The following ADAMTS14 variants were observed in gnomAD, a reference collection of about 807,000 sequenced individuals.
The protein encoded by ADAMTS14 is A disintegrin and metalloproteinase with thrombospondin motifs 14.
ADAMTS14 carries 100 observed loss-of-function variants against 128.6 expected under a neutral mutation model. The ratio of observed to expected loss-of-function variants is 0.78; its 90% confidence interval spans 0.66 to 0.92. ADAMTS14 has a LOEUF of 0.92. Among genes scored for constraint, ADAMTS14 ranks in the 40% least tolerant of loss-of-function variants. The pLI is 0.00. For missense variants in ADAMTS14, 1,562 were observed against 1,658.6 expected, an observed-to-expected ratio of 0.94 and a Z score of 1.01; for synonymous variants, 665 against 653.8, an observed-to-expected ratio of 1.02 and a Z score of -0.26.
intron 2 of ADAMTS14, among the ~76,000 whole-genome samples, chr10:70,696,084 G>A (rs570620397): frequency 6.6e-6 from 1 of 152,324 alleles, no homozygotes; most frequent in East Asian, 1.9e-4. Flanking sequence ...GGCAGTAGCT[G>A]GGCAGGGATG....
rs563924526 is a variant in ADAMTS14, at chr10:70,753,852, G to C, written c.2782G>C (p.Val928Leu). 1.9e-6 allele frequency: 3 copies of C among 1,594,050 alleles called. No homozygotes were observed. Among genetic ancestry groups the C allele is most frequent in the Non-Finnish European group, 2.6e-6 (3 of 1,171,536 alleles). Residue 928 changes from valine (V) to leucine (L), a missense_variant, in exon 19 of 22, where the codon GTG (valine) becomes CTG (leucine). Transcript: ENST00000373207. ...CAGCCGGAGCTGTGGGAAGCTGGGG[G>C]TGCAGACACGGGGGATACAGTGCCT... ...ACSRSCGKLG[V>L]QTRGIQCLLP... is the part of the protein sequence containing the mutation.
chr10:70,731,483 G>T (rs1841635653), intron 6 of ADAMTS14, among the ~76,000 whole-genome samples: 1 of 152,160 alleles, frequency 6.6e-6, no homozygotes, highest in Non-Finnish European at 1.5e-5. Flanking sequence ...CATGCCCTTT[G>T]TCATTACCCC....
chr10:70,727,394 G>A (rs958404252), intron 4 of ADAMTS14, among the ~76,000 whole-genome samples: 4 of 152,224 alleles, frequency 2.6e-5, no homozygotes. Context: ...GAGTGGAAAA[G>A]AATTGATGGC....
intron 4 of ADAMTS14, among the ~76,000 whole-genome samples, chr10:70,723,107 C>T (rs1841320807): frequency 6.6e-6 from 1 of 152,178 alleles, no homozygotes; most frequent in African/African-American, 2.4e-5. Flanking sequence ...TGAGGAAGCA[C>T]CTTACCCCTG....
chr10:70,739,071 G>A (rs972007722), intron 11 of ADAMTS14, 81 bp downstream of exon 11: 2 of 1,490,178 alleles, frequency 1.3e-6, no homozygotes, highest in African/African-American at 2.8e-5. Context: ...GCACTGGGGA[G>A]ACAGTGCAGG....
chr10:70,727,447 C>T (rs984628599), intron 4 of ADAMTS14, among the ~76,000 whole-genome samples: 4 of 152,208 alleles, frequency 2.6e-5, no homozygotes, highest in African/African-American at 7.2e-5. Context: ...CAAGACTATG[C>T]ATGGAGCTCC....
In ADAMTS14 at chr10:70,738,847, C is replaced by T. The variant is rs147145113; in HGVS notation, c.1605C>T (p.Cys535=). The T allele has an allele frequency of 1.9e-5, 30 of 1,614,010 alleles. No individual in the cohort carries two copies. In the African/African-American group the frequency reaches 3.3e-4, roughly 18 times the overall value. Residue 535 remains cysteine, a synonymous_variant, in exon 11 of 22, where the codon TGC becomes TGT. Transcript: ENST00000373207. ...DGTECAPGKW[C]FKGHCIWKSP... ...TGCCCTCTGCTCTGCCCCAGTGGTG[C>T]TTCAAAGGTCACTGCATCTGGAAGT...
Position 70,761,451 on chromosome 10 carries a change from C to G in ADAMTS14, c.*598C>G, listed in dbSNP as rs1842611425. On this transcript the variant is annotated 3_prime_UTR_variant, in exon 22 of 22. Coordinates refer to ENST00000373207, the MANE Select transcript of ADAMTS14 (RefSeq NM_080722.4). ...CAAGAGCTCCATGCAGTTCCACCAG[C>G]TGAGGCCAGGCAGCAGAGGCCAGTT... The G allele has an allele frequency of 6.6e-6, 1 of 152,496 alleles. No individual in the cohort carries two copies. The highest frequency in any genetic ancestry group is 2.4e-5 in the African/African-American group (1 of 41,458). 9.4% of individuals were successfully genotyped at this position (152,496 alleles called of 1,614,324 possible).
rs902437744 is a variant in ADAMTS14 at position 70,696,333 on chromosome 10, C to T, written c.523-5979C>T. 3.2e-4 allele frequency among the ~76,000 whole-genome samples: 47 copies of T among 146,964 alleles called. No individual in the cohort carries two copies. The Admixed American group carries it at 3.2e-3, about 10-fold the overall frequency. On this transcript the variant is annotated intron_variant, in intron 2 of 21. Transcript: ENST00000373207. ...ACAGTGCGCAGCAGGGTGGTGGGAGCCTTGGAGTATGAGACTGGGCAGGGG... is the reference window on the plus strand; with the variant it reads ...ACAGTGCGCAGCAGGGTGGTGGGAGTCTTGGAGTATGAGACTGGGCAGGGG...
chr10:70,673,533 G>C (rs998221723), intron 1 of ADAMTS14, among the ~76,000 whole-genome samples: 1 of 152,126 alleles, frequency 6.6e-6, no homozygotes, highest in Admixed American at 6.5e-5. Flanking sequence ...TTCCAGGCAG[G>C]GTCCCTCCTT....
chr10:70,697,142 C>G (rs1840353725), intron 2 of ADAMTS14, among the ~76,000 whole-genome samples: 1 of 152,202 alleles, frequency 6.6e-6, no homozygotes, highest in Non-Finnish European at 1.5e-5. Context: ...TGAGAGGTGG[C>G]CTGCTCTGCT....
At position 70,758,065 on chromosome 10, in the gene ADAMTS14, A is replaced by T. The variant is rs551958766; in HGVS notation, c.3041A>T (p.Gln1014Leu). The T allele has an allele frequency of 6.2e-7, 1 of 1,613,342 alleles. No homozygotes were observed. Among genetic ancestry groups the T allele is most frequent in the African/African-American group, 1.3e-5 (1 of 75,064 alleles). The change falls in exon 20 of 22, where the codon CAG (glutamine) becomes CTG (leucine). Residue 1014 changes from glutamine (Q) to leucine (L), a missense_variant. Coordinates refer to ENST00000373207, the MANE Select transcript of ADAMTS14 (RefSeq NM_080722.4). ...HCEGDRPDTV[Q>L]VCSLPACGGN... ...GAGGGGGATAGGCCAGACACTGTCCAGGTCTGCAGCCTGCCCGCCTGTGGA... is the reference window on the plus strand; with the variant it reads ...GAGGGGGATAGGCCAGACACTGTCCTGGTCTGCAGCCTGCCCGCCTGTGGA...
chr10:70,686,560 T>C (rs1194037121), intron 2 of ADAMTS14, among the ~76,000 whole-genome samples: 1 of 45,548 alleles, frequency 2.2e-5, no homozygotes, highest in Non-Finnish European at 4.6e-5. Flanking sequence ...CATTTAACCC[T>C]GAGTGGACAC....
intron 4 of ADAMTS14, among the ~76,000 whole-genome samples, chr10:70,723,183 G>A (rs1483096150): frequency 1.3e-5 from 2 of 152,124 alleles, no homozygotes; most frequent in Non-Finnish European, 2.9e-5. Flanking sequence ...CTAATTGAAG[G>A]ACACAAAATA....
chr10:70,718,238 A>G (rs982923077), intron 4 of ADAMTS14, among the ~76,000 whole-genome samples: 3 of 152,150 alleles, frequency 2.0e-5, no homozygotes, highest in Admixed American at 6.5e-5. Context: ...CACGAAGCAG[A>G]CAATCCTCTT....
chr10:70,712,732 G>A (rs564633802), intron 4 of ADAMTS14, among the ~76,000 whole-genome samples: 3 of 152,278 alleles, frequency 2.0e-5, no homozygotes, highest in African/African-American at 7.2e-5. Flanking sequence ...ATTCCGATAA[G>A]GGGGAAAGAC....
intron 3 of ADAMTS14, among the ~76,000 whole-genome samples, chr10:70,705,058 T>G (rs919297198): frequency 6.6e-6 from 1 of 151,794 alleles, no homozygotes. Context: ...TACACACACA[T>G]GCTCATATAC....
intron 4 of ADAMTS14, among the ~76,000 whole-genome samples, chr10:70,710,713 A>G (rs559332839): frequency 3.3e-5 from 5 of 152,346 alleles, no homozygotes; most frequent in African/African-American, 1.2e-4. Flanking sequence ...TGAAAGCAGC[A>G]TTAACAGTAC....
rs141787726 is a variant in ADAMTS14 at position 70,757,964 on chromosome 10, C to G, written c.2940C>G (p.Cys980Trp). 1.4e-5 allele frequency: 23 copies of G among 1,608,722 alleles called. No individual in the cohort carries two copies. The Admixed American group carries it at 3.0e-4, about 21-fold the overall frequency. The change falls in exon 20 of 22, where the codon TGC (cysteine) becomes TGG (tryptophan). Residue 980 changes from cysteine (C) to tryptophan (W), a missense_variant and splice_region_variant. Physicochemically the swap from Cys to Trp is radical, Grantham distance 215. Coordinates refer to ENST00000373207, the MANE Select transcript of ADAMTS14 (RefSeq NM_080722.4). ...TGGCACTGACCCACCCACGGCAGTG[C>G]TCTGCCACCTGTGGAGAGGGCATCC... ...AQWRLGAWSQ[C>W]SATCGEGIQQ...
Sources: gnomAD v4.1 joint callset for allele counts (sites outside exome capture counted in the v4.1 genomes callset) on GRCh38, gnomAD v4.1.1 for gene constraint, MANE v1.5 for transcripts, NCBI Gene and HGNC (gene_info 2026-07-23, HGNC 2026-07-21) for gene names.